The following NFATC1 variants were observed in gnomAD, a reference collection of about 807,000 sequenced individuals.
The protein encoded by NFATC1 is nuclear factor of activated T-cells, cytoplasmic 1.
In NFATC1, 22 loss-of-function variants were observed where a neutral mutation model predicts 76.0. That is an observed-to-expected ratio of 0.29 (90% CI 0.21 to 0.41). The LOEUF (loss-of-function observed/expected upper bound fraction) is 0.41. NFATC1 is among the 10% of genes least tolerant of loss of function. The pLI is 1.00. For synonymous variants in NFATC1, 704 were observed against 613.1 expected (o/e 1.15, Z -2.19); for missense variants, 1,357 against 1,337.7 (o/e 1.01, Z -0.23).
chr18:79,410,399 C>A lies in NFATC1; in HGVS notation c.128-4C>A, dbSNP rs2085623965. On this transcript the variant is annotated splice_region_variant and splice_polypyrimidine_tract_variant and intron_variant, in intron 1 of 9. Transcript: ENST00000427363. This position sits in a 1 kb window ranked among gnomAD's most constrained non-coding sequence, Gnocchi z 6.7. ...TGCTCCCATCTGCTTCTTTTTCTCT[C>A]TAGAACACTATGGCTATGCATCCTC... 1 of 1,604,008 alleles carries A rather than the reference C, an allele frequency of 6.2e-7. No homozygotes were observed. The highest frequency in any genetic ancestry group is 8.5e-7 in the Non-Finnish European group (1 of 1,176,272).
intron 9 of NFATC1, among the ~76,000 whole-genome samples, chr18:79,518,567 C>T (rs1295401752): frequency 6.6e-6 from 1 of 152,238 alleles, no homozygotes; most frequent in Non-Finnish European, 1.5e-5. Flanking sequence ...TGTTTTGTCA[C>T]ATCGTTCAGC....
chr18:79,516,624 A>T (rs970987335), intron 9 of NFATC1, among the ~76,000 whole-genome samples: 9 of 152,208 alleles, frequency 5.9e-5, no homozygotes, highest in Non-Finnish European at 1.0e-4. Flanking sequence ...GTAGGAGGTT[A>T]TGGAAAATCC....
At chr18:79,499,035 G>C (rs1216577927) in intron 9 of NFATC1, among the ~76,000 whole-genome samples, 1 of 152,222 alleles carries the variant, frequency 6.6e-6, no homozygotes, top group Non-Finnish European at 1.5e-5. Flanking sequence ...TCAGGCTGAG[G>C]TAAGAAGCAC....
At chr18:79,521,554 G>T (rs1394059396) in intron 9 of NFATC1, among the ~76,000 whole-genome samples, 2 of 111,642 alleles carry the variant, frequency 1.8e-5, no homozygotes, top group African/African-American at 3.5e-5. Context: ...TGTGTGGGGG[G>T]GCATCCACTG....
intron 3 of NFATC1, among the ~76,000 whole-genome samples, chr18:79,446,938 C>G (rs1038048971): frequency 3.3e-5 from 5 of 152,220 alleles, no homozygotes; most frequent in African/African-American, 9.7e-5. Context: ...TTCGATGTCT[C>G]AGCTGGGACC....
chr18:79,457,345 AG>A, intron 6 of NFATC1, among the ~76,000 whole-genome samples: 1 of 152,282 alleles, frequency 6.6e-6, no homozygotes. Flanking sequence ...GTTCTCATCA[AG>A]CCGCATTCTG....
intron 7 of NFATC1, 83 bp downstream of exon 7, chr18:79,461,449 C>T (rs187343696): frequency 1.5e-4 from 215 of 1,422,540 alleles, no homozygotes; most frequent in South Asian, 3.4e-4. Context: ...CTGCGGGTCC[C>T]CAGGCCTTGG....
At position 79,465,736 on chromosome 18, in the gene NFATC1, C is replaced by T. The variant is rs1448702362; in HGVS notation, c.1960-1714C>T. Among the ~76,000 whole-genome samples the T allele has an allele frequency of 6.6e-6, 1 of 152,256 alleles. No individual in the cohort carries two copies. Among genetic ancestry groups the T allele is most frequent in the Non-Finnish European group, 1.5e-5 (1 of 68,050 alleles). ...GTAGCTGCTGACTCCATCGCAGCTG[C>T]CCTGAGCACTGCTGAATTCAGAAAA... On this transcript the variant is annotated intron_variant, in intron 7 of 9. Transcript: ENST00000427363. The surrounding 1 kb of genome is among the most constrained non-coding windows in gnomAD (Gnocchi z 4.2).
At chr18:79,467,353 C>CGCCGTGGAAACGGGGTTGCCGTGTGGCT (rs2088560139) in intron 7 of NFATC1, 97 bp from the exon 8 acceptor site, 1 of 1,243,624 alleles carries the variant, frequency 8.0e-7, no homozygotes, top group African/African-American at 1.6e-5. Context: ...GCCGTGTGGC[C>CGCCGTGGAAACGGGGTTGCCGTGTGGCT]GCCGTGGAAA....
chr18:79,406,948 G>A (rs1188684884), intron 1 of NFATC1, among the ~76,000 whole-genome samples: 4 of 152,194 alleles, frequency 2.6e-5, no homozygotes, highest in Non-Finnish European at 5.9e-5. Context: ...GGGGCACAGG[G>A]CGACCTGCCT....
intron 9 of NFATC1, among the ~76,000 whole-genome samples, chr18:79,502,317 C>T (rs1252624261): frequency 1.3e-5 from 2 of 152,176 alleles, no homozygotes; most frequent in African/African-American, 4.8e-5. Context: ...ACACACACCA[C>T]GCACCGAAAA....
At position 79,528,435 on chromosome 18, in the gene NFATC1, G is replaced by T. The variant is rs1279608175; in HGVS notation, c.*858G>T. 6.6e-6 allele frequency: 1 copy of T among 152,258 alleles called. No individual in the cohort carries two copies. The allele number at this position is 152,258 out of a possible 1,614,324, so 9.4% of individuals were successfully genotyped here. A position where few individuals can be genotyped will look rare whatever the true frequency, so the allele number is the denominator to read the frequency against. ...GAGCCGACGTGTCCTCGCCCAGGAG[G>T]GCTTCCCTGTCAGCAATAACCGGCA... is the stretch of plus-strand genomic sequence containing the variant. On this transcript the variant is annotated 3_prime_UTR_variant, in exon 10 of 10. Coordinates refer to ENST00000427363, the MANE Select transcript of NFATC1 (RefSeq NM_001278669.2).
Position 79,410,172 on chromosome 18 carries a change from G to T in NFATC1, c.128-231G>T. 1 of 763,290 alleles carries T rather than the reference G, an allele frequency of 1.3e-6. No homozygotes were observed. The highest frequency in any genetic ancestry group is 2.3e-4 in the Middle Eastern group (1 of 4,324). 47.3% of individuals were successfully genotyped at this position (763,290 alleles called of 1,614,324 possible). A position where few individuals can be genotyped will look rare whatever the true frequency, so the allele number is the denominator to read the frequency against. On this transcript the variant is annotated intron_variant, in intron 1 of 9. Transcript: ENST00000427363. This position sits in a 1 kb window ranked among gnomAD's most constrained non-coding sequence, Gnocchi z 6.7. ...TTGTGCTGCTGTTAGGGGAGGAGGG[G>T]AGGTGGGCAGTGAGGGGCTCACGGG...
At chr18:79,515,552 A>G (rs11877712) in intron 9 of NFATC1, among the ~76,000 whole-genome samples, 1,606 of 151,930 alleles carry the variant, frequency 0.011, 32 homozygotes, top group African/African-American at 0.036. Context: ...TGAGTTGCCA[A>G]TGGAGCTTTT....
At chr18:79,507,356 C>T (rs1475681636) in intron 9 of NFATC1, among the ~76,000 whole-genome samples, 2 of 152,250 alleles carry the variant, frequency 1.3e-5, no homozygotes, top group African/African-American at 4.8e-5. Context: ...GAGGGCTGTG[C>T]CGGGGCCGGT....
chr18:79,462,966 G>A (rs1485864915), intron 7 of NFATC1, among the ~76,000 whole-genome samples: 1 of 152,222 alleles, frequency 6.6e-6, no homozygotes, highest in Non-Finnish European at 1.5e-5. Context: ...TCTCCTGTTG[G>A]TGGGACGATC....
At chr18:79,492,901 CTTTTTTTTTTT>C (rs10605674) in intron 9 of NFATC1, among the ~76,000 whole-genome samples, 8 of 87,256 alleles carry the variant, frequency 9.2e-5, no homozygotes, top group Non-Finnish European at 1.5e-4. Context: ...ATGAATCCAG[CTTTTTTTTTTT>C]TTTTTTTTTT....
At chr18:79,477,729 A>T (rs1174464139) in intron 8 of NFATC1, among the ~76,000 whole-genome samples, 1 of 152,190 alleles carries the variant, frequency 6.6e-6, no homozygotes, top group Non-Finnish European at 1.5e-5. Context: ...TAAACAACAG[A>T]CATTGATTTC....
At chr18:79,449,853 C>CG (rs890682628) in intron 4 of NFATC1, among the ~76,000 whole-genome samples, 11 of 152,124 alleles carry the variant, frequency 7.2e-5, no homozygotes, top group Admixed American at 2.0e-4. Flanking sequence ...GAGATGGCGG[C>CG]GGGGGGCCAC....
Sources: gnomAD v4.1 joint callset for allele counts (sites outside exome capture counted in the v4.1 genomes callset) on GRCh38, gnomAD v4.1.1 for gene constraint, Gnocchi (gnomAD v3.1) non-coding constraint, MANE v1.5 for transcripts, NCBI Gene and HGNC (gene_info 2026-07-23, HGNC 2026-07-21) for gene names.